USP34: variants seen among roughly 807,000 people sequenced by gnomAD.
USP34 encodes ubiquitin carboxyl-terminal hydrolase 34.
Under a neutral mutation model 460.3 loss-of-function variants are expected in USP34, and 70 were observed. The observed-to-expected ratio is 0.15, with a 90% CI of 0.13 to 0.19. USP34 has a LOEUF of 0.19. Among genes scored for constraint, USP34 ranks in the 10% least tolerant of loss-of-function variants. The probability of loss-of-function intolerance (pLI) is 1.00; values close to 1 mark genes in which losing one functional copy is unlikely to be tolerated. For missense variants in USP34, 3,985 were observed against 4,236.2 expected (o/e 0.94, Z 1.65); for synonymous variants, 1,647 against 1,405.3 (o/e 1.17, Z -3.85).
chr2:61,217,807 T>C (rs1302211881), intron 67 of USP34, among the ~76,000 whole-genome samples: 1 of 151,796 alleles, frequency 6.6e-6, no homozygotes, highest in Non-Finnish European at 1.5e-5. Flanking sequence ...ACAAAAAAAT[T>C]AGCCAGGCAT....
At chr2:61,262,763 C>T (rs1268764276) in intron 43 of USP34, among the ~76,000 whole-genome samples, 1 of 152,200 alleles carries the variant, frequency 6.6e-6, no homozygotes, top group African/African-American at 2.4e-5. Context: ...TGCCAAGCTG[C>T]TTCTCACAAT....
At chr2:61,363,112 A>G (rs1019292121) in intron 10 of USP34, among the ~76,000 whole-genome samples, 5 of 152,222 alleles carry the variant, frequency 3.3e-5, no homozygotes, top group African/African-American at 1.2e-4. Context: ...AGCATGTTCA[A>G]TATAATTAAT....
chr2:61,324,911 C>T (rs937901954), intron 21 of USP34, among the ~76,000 whole-genome samples: 1 of 151,952 alleles, frequency 6.6e-6, no homozygotes, highest in African/African-American at 2.4e-5. Context: ...ACTGCAGCAG[C>T]CATGAAAAAA....
At chr2:61,411,006 A>G (rs951522258) in intron 2 of USP34, among the ~76,000 whole-genome samples, 1 of 152,186 alleles carries the variant, frequency 6.6e-6, no homozygotes, top group East Asian at 1.9e-4. Context: ...AAAACAAAAT[A>G]TTATTCCTGT....
rs891352714 is a variant in USP34, at chr2:61,259,759, C to A, written c.5796G>T (p.Lys1932Asn). 1 of 1,613,042 alleles carries A rather than the reference C, an allele frequency of 6.2e-7. No homozygotes were observed. The highest frequency in any genetic ancestry group is 1.3e-5 in the African/African-American group (1 of 74,888). Residue 1932 changes from lysine to asparagine, a missense_variant, in exon 44 of 80, where the codon AAG (lysine) becomes AAT (asparagine). Physicochemically the swap from Lys to Asn is moderately conservative, Grantham distance 94. Transcript: ENST00000398571. Reference protein sequence around the residue: ...VFTAKYSEDMKHKTTLLELQK... With the variant: ...VFTAKYSEDMNHKTTLLELQK... ...GAAGCTCCAGAAGAGTGGTCTTGTG[C>A]TTCATATCCTCTGAATACTGAAAAT...
At chr2:61,299,265 T>C (rs527253789) in intron 29 of USP34, among the ~76,000 whole-genome samples, 2 of 152,280 alleles carry the variant, frequency 1.3e-5, no homozygotes, top group East Asian at 1.9e-4. Flanking sequence ...AAAAGCATAC[T>C]AGCCTAACAC....
chr2:61,410,157 CT>C (rs1332034242), intron 2 of USP34, among the ~76,000 whole-genome samples: 1 of 152,114 alleles, frequency 6.6e-6, no homozygotes, highest in East Asian at 1.9e-4. Flanking sequence ...TAGTATCACA[CT>C]GTAATATATA....
chr2:61,241,949 C>T (rs1415891147), intron 51 of USP34, 130 bp from the exon 52 acceptor site: 4 of 510,392 alleles, frequency 7.8e-6, no homozygotes, highest in Non-Finnish European at 1.4e-5. Flanking sequence ...TCAAACACCG[C>T]CGCCTTCATA....
rs1305676225 is a variant in USP34 at position 61,348,047 on chromosome 2, T to C, written c.2108A>G (p.His703Arg). 7.4e-6 allele frequency: 12 copies of C among 1,614,076 alleles called. No homozygotes were observed. The highest frequency in any genetic ancestry group is 5.5e-5 in the South Asian group (5 of 91,090). Residue 703 changes from histidine to arginine, a missense_variant, in exon 15 of 80, where the codon CAT becomes CGT. Coordinates refer to ENST00000398571, the MANE Select transcript of USP34 (RefSeq NM_014709.4). Reference sequence around the variant, plus strand: ...AGCATTCATTTCCCCTGAAATATCATGTTCTGGGTCTTCAGAGTGTGAACA... The same window carrying C: ...AGCATTCATTTCCCCTGAAATATCACGTTCTGGGTCTTCAGAGTGTGAACA... ...DACSHSEDPEHDISGEMNATH... is the reference protein window; with the variant it reads ...DACSHSEDPERDISGEMNATH...
At chr2:61,437,163 C>T (rs953305375) in intron 1 of USP34, among the ~76,000 whole-genome samples, 3 of 151,832 alleles carry the variant, frequency 2.0e-5, no homozygotes, top group African/African-American at 4.8e-5. Flanking sequence ...AATTAGACAA[C>T]GAAGATCAAT....
At chr2:61,266,565 A>G (rs1689052732) in intron 41 of USP34, among the ~76,000 whole-genome samples, 1 of 152,188 alleles carries the variant, frequency 6.6e-6, no homozygotes. Context: ...CAAAATCAAC[A>G]GTTTACTTAT....
Position 61,314,949 on chromosome 2 carries a change from C to T in USP34, c.3308G>A (p.Gly1103Asp). The T allele has an allele frequency of 6.2e-7, 1 of 1,613,590 alleles. No individual in the cohort carries two copies. Among genetic ancestry groups the T allele is most frequent in the Non-Finnish European group, 8.5e-7 (1 of 1,179,844 alleles). ...SELCGMDQFW[G>D]IALRAQSGDV... is the part of the protein sequence containing the mutation. ...ACCAGATTGTGCTCTTAAAGCAATG[C>T]CCCAAAATTGGTCCATACCACACAG... Residue 1103 changes from glycine to aspartate, a missense_variant, in exon 24 of 80, where the codon GGC becomes GAC. By Grantham distance (94) the Gly-to-Asp change is moderately conservative. Coordinates refer to ENST00000398571, the MANE Select transcript of USP34 (RefSeq NM_014709.4).
intron 41 of USP34, among the ~76,000 whole-genome samples, chr2:61,275,715 T>C (rs188575226): frequency 1.3e-5 from 2 of 152,262 alleles, no homozygotes; most frequent in Admixed American, 6.5e-5. Context: ...TAATGTGTTA[T>C]CATGTGTAGA....
At chr2:61,244,186 G>A (rs547055105) in intron 51 of USP34, among the ~76,000 whole-genome samples, 2 of 152,304 alleles carry the variant, frequency 1.3e-5, no homozygotes, top group African/African-American at 4.8e-5. Flanking sequence ...GCTAATCTAT[G>A]AAACGGAAAT....
At chr2:61,352,836 G>A (rs938181239) in intron 10 of USP34, among the ~76,000 whole-genome samples, 55 of 152,030 alleles carry the variant, frequency 3.6e-4, no homozygotes, top group African/African-American at 1.1e-3. Flanking sequence ...CAAAGATGAC[G>A]AAGAGGACAA....
At chr2:61,312,016 C>A in intron 25 of USP34, 106 bp from the exon 26 acceptor site, 1 of 1,380,238 alleles carries the variant, frequency 7.2e-7, no homozygotes, top group South Asian at 1.5e-5. Context: ...AAAAGAAGTT[C>A]TAAGTTCATT....
intron 41 of USP34, among the ~76,000 whole-genome samples, chr2:61,276,399 CT>C (rs917255002): frequency 6.6e-6 from 1 of 151,856 alleles, no homozygotes; most frequent in Non-Finnish European, 1.5e-5. Flanking sequence ...AATACATTTT[CT>C]TTTTTAATGT....
At chr2:61,294,284 T>A (rs889345993) in intron 32 of USP34, among the ~76,000 whole-genome samples, 3 of 151,536 alleles carry the variant, frequency 2.0e-5, no homozygotes, top group Non-Finnish European at 4.4e-5. Flanking sequence ...AGGCGGAGCT[T>A]GCAGCAAGCA....
At chr2:61,287,869 A>G (rs771987981) in intron 34 of USP34, among the ~76,000 whole-genome samples, 3 of 152,106 alleles carry the variant, frequency 2.0e-5, no homozygotes, top group Non-Finnish European at 4.4e-5. Flanking sequence ...TCTATTTTTC[A>G]AGGGCCAACC....
Sources: allele counts gnomAD v4.1 joint callset (sites outside exome capture counted in the v4.1 genomes callset), GRCh38; gene constraint gnomAD v4.1.1; transcripts MANE v1.5; gene names NCBI Gene and HGNC (gene_info 2026-07-23, HGNC 2026-07-21).